Variants in CKAP5 observed in about 807,000 individuals in gnomAD.
The protein encoded by CKAP5 is cytoskeleton associated protein 5.
A neutral mutation model predicts 232.8 loss-of-function variants in CKAP5; 27 were observed. That is an observed-to-expected ratio of 0.12 (90% CI 0.09 to 0.16). The LOEUF is 0.16. Ranked by LOEUF, CKAP5 falls within the 10% of genes least tolerant of loss-of-function variation. The pLI is 1.00. For synonymous variants in CKAP5, 785 were observed against 841.1 expected, an observed-to-expected ratio of 0.93 and a Z score of 1.16; for missense variants, 1,838 against 2,424.7, an observed-to-expected ratio of 0.76 and a Z score of 5.08.
intron 5 of CKAP5, among the ~76,000 whole-genome samples, chr11:46,810,592 T>A (rs569026807): frequency 1.3e-5 from 2 of 152,314 alleles, no homozygotes; most frequent in South Asian, 4.1e-4. Flanking sequence ...ATTATAAGTG[T>A]GAACCACTGC....
chr11:46,820,090 T>C (rs1490725888), intron 2 of CKAP5, among the ~76,000 whole-genome samples: 3 of 152,162 alleles, frequency 2.0e-5, no homozygotes. Context: ...GATTTATCTA[T>C]ATTGTCTGCC....
intron 16 of CKAP5, among the ~76,000 whole-genome samples, chr11:46,786,628 G>T (rs1382725806): frequency 6.6e-6 from 1 of 152,162 alleles, no homozygotes; most frequent in African/African-American, 2.4e-5. Flanking sequence ...AAGGACCTAG[G>T]GAATAAGATA....
At chr11:46,809,630 C>G in intron 6 of CKAP5, 112 bp downstream of exon 6, 1 of 1,410,364 alleles carries the variant, frequency 7.1e-7, no homozygotes, top group Non-Finnish European at 9.9e-7. Context: ...CTACATGCAA[C>G]TTATATTTTA....
At chr11:46,791,313 G>A (rs1938715158) in intron 13 of CKAP5, among the ~76,000 whole-genome samples, 2 of 150,648 alleles carry the variant, frequency 1.3e-5, no homozygotes, top group Non-Finnish European at 3.0e-5. Flanking sequence ...GCAGTGGCCT[G>A]ATCACGGCTC....
At chr11:46,757,455 T>TG (rs984229379) in intron 35 of CKAP5, among the ~76,000 whole-genome samples, 15 of 151,798 alleles carry the variant, frequency 9.9e-5, no homozygotes, top group African/African-American at 3.4e-4. Context: ...ATCGCCCCAC[T>TG]GCACTCCAGA....
intron 27 of CKAP5, 34 bp downstream of exon 27, chr11:46,767,541 C>T: frequency 7.4e-7 from 1 of 1,355,570 alleles, no homozygotes; most frequent in Non-Finnish European, 1.0e-6. Flanking sequence ...TATTTAAAAG[C>T]AAGTCTACAT....
At chr11:46,805,958 T>A (rs1316233564) in intron 8 of CKAP5, among the ~76,000 whole-genome samples, 1 of 152,038 alleles carries the variant, frequency 6.6e-6, no homozygotes, top group Non-Finnish European at 1.5e-5. Context: ...ATAAAAAAAA[T>A]AAAATGTCTC....
intron 18 of CKAP5, among the ~76,000 whole-genome samples, chr11:46,780,750 G>C (rs113227409): frequency 0.022 from 3,391 of 152,292 alleles, 122 homozygotes; most frequent in African/African-American, 0.077. Flanking sequence ...GAGTAGCTGA[G>C]ATTACAGGTG....
At chr11:46,837,999 A>T (rs1244326703) in intron 1 of CKAP5, among the ~76,000 whole-genome samples, 1 of 151,970 alleles carries the variant, frequency 6.6e-6, no homozygotes, top group Non-Finnish European at 1.5e-5. Context: ...CACTGTAGAA[A>T]CCTCACAAAC....
intron 8 of CKAP5, among the ~76,000 whole-genome samples, chr11:46,802,587 C>CAT (rs1184347795): frequency 1.3e-5 from 2 of 151,558 alleles, no homozygotes; most frequent in African/African-American, 4.9e-5. Flanking sequence ...CACACACACA[C>CAT]GGCTGCTTTA....
rs561281915 is a variant in CKAP5 at position 46,781,274 on chromosome 11, T to A, written c.2250-789A>T. ...CTTGTTCTATTCTACTTTTTAAATA[T>A]CTTATCAGTTATAACACTTCCACTT... On this transcript the variant is annotated intron_variant, in intron 18 of 43. Coordinates refer to ENST00000529230, the MANE Select transcript of CKAP5 (RefSeq NM_001008938.4). Among the ~76,000 whole-genome samples the A allele has an allele frequency of 4.5e-4, 69 of 152,320 alleles. 3 individuals are homozygous for A. In the South Asian group the frequency reaches 0.013, roughly 30 times the overall value.
intron 1 of CKAP5, among the ~76,000 whole-genome samples, chr11:46,822,675 C>T (rs1210080746): frequency 6.8e-6 from 1 of 148,082 alleles, no homozygotes; most frequent in Non-Finnish European, 1.5e-5. Flanking sequence ...GGCGTGAACC[C>T]GAGAGGCGGA....
chr11:46,828,302 T>C (rs1235371536), intron 1 of CKAP5, among the ~76,000 whole-genome samples: 1 of 152,180 alleles, frequency 6.6e-6, no homozygotes, highest in Non-Finnish European at 1.5e-5. Flanking sequence ...AAAAAATGGA[T>C]TCAGATTAAA....
At chr11:46,785,191 T>C (rs536610135) in intron 16 of CKAP5, among the ~76,000 whole-genome samples, 1 of 152,358 alleles carries the variant, frequency 6.6e-6, no homozygotes, top group South Asian at 2.1e-4. Flanking sequence ...GATATTATTG[T>C]GATGGCAGAC....
chr11:46,751,650 T>A, intron 38 of CKAP5, 116 bp from the exon 39 acceptor site: 1 of 824,542 alleles, frequency 1.2e-6, no homozygotes, highest in Non-Finnish European at 1.9e-6. Context: ...GCTATAAATG[T>A]GGCACATCAT....
At chr11:46,841,458 CGTCAGAATTGGG>C (rs1160104760) in intron 1 of CKAP5, among the ~76,000 whole-genome samples, 3 of 151,966 alleles carry the variant, frequency 2.0e-5, no homozygotes, top group African/African-American at 7.3e-5. Flanking sequence ...TCAGAATTGG[CGTCAGAATTGGG>C]ATTTGCTAGA....
chr11:46,827,865 AC>A (rs1438599232), intron 1 of CKAP5, among the ~76,000 whole-genome samples: 4 of 152,222 alleles, frequency 2.6e-5, no homozygotes, highest in Non-Finnish European at 4.4e-5. Flanking sequence ...AAGGTTAGCA[AC>A]TAGTTTTAAT....
chr11:46,819,996 A>G (rs1939490912), intron 2 of CKAP5, among the ~76,000 whole-genome samples: 1 of 152,144 alleles, frequency 6.6e-6, no homozygotes, highest in Non-Finnish European at 1.5e-5. Flanking sequence ...AAATGCTCAA[A>G]AAATGGGAAA....
At chr11:46,824,394 C>T (rs1043281222) in intron 1 of CKAP5, among the ~76,000 whole-genome samples, 4 of 152,176 alleles carry the variant, frequency 2.6e-5, no homozygotes, top group Admixed American at 6.5e-5. Context: ...ATCAGATACA[C>T]ATGCCCTACC....
Sources: allele counts gnomAD v4.1 joint callset (sites outside exome capture counted in the v4.1 genomes callset), GRCh38; gene constraint gnomAD v4.1.1; transcripts MANE v1.5; gene names NCBI Gene and HGNC (gene_info 2026-07-23, HGNC 2026-07-21).